The following PLD5 variants were observed in gnomAD, a reference collection of about 807,000 sequenced individuals.
The protein encoded by PLD5 is phospholipase D family member 5, also known as inactive phospholipase D5.
In PLD5, 36 loss-of-function variants were observed where a neutral mutation model predicts 61.1. That is an observed-to-expected ratio of 0.59 (90% CI 0.45 to 0.78). PLD5 has a LOEUF of 0.78. Ranked by LOEUF, PLD5 falls within the 30% of genes least tolerant of loss-of-function variation. The pLI is 0.00. For synonymous variants in PLD5, 243 were observed against 242.8 expected (o/e 1.00, Z -0.01); for missense variants, 515 against 644.4 (o/e 0.80, Z 2.17).
chr1:242,433,171 C>T (rs1050606112), intron 1 of PLD5, among the ~76,000 whole-genome samples: 1 of 151,750 alleles, frequency 6.6e-6, no homozygotes, highest in African/African-American at 2.4e-5. Flanking sequence ...CTTTCATAAA[C>T]ATAGCTTATG....
chr1:242,523,553 T>C (rs1030970208), intron 1 of PLD5, among the ~76,000 whole-genome samples: 1 of 152,132 alleles, frequency 6.6e-6, no homozygotes, highest in East Asian at 1.9e-4. Flanking sequence ...TGGGCTCAAG[T>C]AGAGAGGATC....
intron 5 of PLD5, among the ~76,000 whole-genome samples, chr1:242,155,543 C>T (rs954077187): frequency 6.6e-6 from 1 of 152,128 alleles, no homozygotes; most frequent in Non-Finnish European, 1.5e-5. Flanking sequence ...GATTCTGGTA[C>T]ATTGTGTCTT....
chr1:242,190,426 G>T lies in PLD5; in HGVS notation c.735+29562C>A, dbSNP rs1264044231. Among the ~76,000 whole-genome samples, 9 of 151,622 alleles carry T rather than the reference G, an allele frequency of 5.9e-5. 2 individuals carry two copies. In the South Asian group the frequency reaches 1.9e-3, roughly 32 times the overall value. On this transcript the variant is annotated intron_variant, in intron 5 of 9. Transcript: ENST00000536534. ...CTCCCAAAGTGCTGGGATTACAGGCGTGAGCCACCGCGCCCGGCCCATTGC... is the reference window on the plus strand; with the variant it reads ...CTCCCAAAGTGCTGGGATTACAGGCTTGAGCCACCGCGCCCGGCCCATTGC...
chr1:242,196,736 A>G (rs1027599620), intron 5 of PLD5, among the ~76,000 whole-genome samples: 3 of 152,208 alleles, frequency 2.0e-5, no homozygotes, highest in Admixed American at 2.0e-4. Flanking sequence ...TGCCTCTAGA[A>G]TAGAAATAGG....
rs552757553 is a variant in PLD5, at chr1:242,202,272, G to T, written c.735+17716C>A. Among the ~76,000 whole-genome samples, 8 of 152,162 alleles carry T rather than the reference G, an allele frequency of 5.3e-5. No homozygotes were observed. In the South Asian group the frequency reaches 1.7e-3, roughly 32 times the overall value. On this transcript the variant is annotated intron_variant, in intron 5 of 9. Coordinates refer to ENST00000536534, the MANE Select transcript of PLD5 (RefSeq NM_001372062.1). Reference sequence around the variant, plus strand: ...AACAAAAAATATGGTGTGTGGCCAGGTCCTTGGGTGTGTGGTCCCTAAGTG... The same window carrying T: ...AACAAAAAATATGGTGTGTGGCCAGTTCCTTGGGTGTGTGGTCCCTAAGTG...
intron 1 of PLD5, among the ~76,000 whole-genome samples, chr1:242,391,548 G>A (rs769374770): frequency 4.0e-4 from 44 of 110,630 alleles, no homozygotes; most frequent in Admixed American, 2.2e-4. Flanking sequence ...AGAAAGGTTC[G>A]CATTCTTTTA....
At chr1:242,520,109 A>G (rs1007523485) in intron 1 of PLD5, among the ~76,000 whole-genome samples, 4 of 152,080 alleles carry the variant, frequency 2.6e-5, no homozygotes, top group African/African-American at 7.2e-5. Flanking sequence ...TTGACCATGA[A>G]CCTTTCTTTG....
chr1:242,337,784 G>A (rs917545148), intron 2 of PLD5, among the ~76,000 whole-genome samples: 38 of 152,328 alleles, frequency 2.5e-4, no homozygotes, highest in African/African-American at 8.4e-4. Context: ...GCTGAGTTTA[G>A]ATGACTTCCT....
intron 3 of PLD5, among the ~76,000 whole-genome samples, chr1:242,281,682 C>T (rs1307656178): frequency 1.3e-5 from 2 of 152,106 alleles, no homozygotes; most frequent in Admixed American, 1.3e-4. Context: ...AAAAGGTATT[C>T]TTAAGCTTGT....
chr1:242,494,590 A>C (rs1668300692), intron 1 of PLD5, among the ~76,000 whole-genome samples: 1 of 152,114 alleles, frequency 6.6e-6, no homozygotes, highest in African/African-American at 2.4e-5. Flanking sequence ...ACAGAGCAGA[A>C]CCGGCTGGTG....
intron 1 of PLD5, among the ~76,000 whole-genome samples, chr1:242,520,129 C>A (rs1005213154): frequency 6.6e-6 from 1 of 152,156 alleles, no homozygotes; most frequent in African/African-American, 2.4e-5. Context: ...GGCCAATACA[C>A]ATGAGTCATA....
chr1:242,399,407 G>C (rs1027731736), intron 1 of PLD5, among the ~76,000 whole-genome samples: 2 of 152,208 alleles, frequency 1.3e-5, no homozygotes, highest in Non-Finnish European at 2.9e-5. Context: ...TCTTGGGAAT[G>C]CTTCCAAGTA....
upstream of PLD5, among the ~76,000 whole-genome samples, chr1:242,527,291 CG>C (rs1669471734): frequency 1.3e-5 from 2 of 151,746 alleles, no homozygotes; most frequent in South Asian, 4.2e-4. Flanking sequence ...CTATCACACC[CG>C]GCTAATTTTT....
chr1:242,487,079 G>A (rs1333653547), intron 1 of PLD5, among the ~76,000 whole-genome samples: 1 of 151,352 alleles, frequency 6.6e-6, no homozygotes, highest in Non-Finnish European at 1.5e-5. Context: ...CAGCAGGGGG[G>A]AGGGATAGCA....
intron 7 of PLD5, among the ~76,000 whole-genome samples, chr1:242,109,307 G>A (rs933958998): frequency 8.5e-5 from 13 of 152,126 alleles, no homozygotes; most frequent in African/African-American, 2.2e-4. Context: ...GTGAAACCCC[G>A]TCTCTAATAA....
intron 1 of PLD5, among the ~76,000 whole-genome samples, chr1:242,385,186 C>T (rs188700812): frequency 7.9e-5 from 12 of 152,176 alleles, no homozygotes; most frequent in Admixed American, 6.5e-4. Flanking sequence ...AATCAAAAAA[C>T]AAAGGGAAGA....
chr1:242,161,317 A>G (rs1199784070), intron 5 of PLD5, among the ~76,000 whole-genome samples: 2 of 152,092 alleles, frequency 1.3e-5, no homozygotes, highest in African/African-American at 4.8e-5. Flanking sequence ...AAACCATCAG[A>G]TCTCGTGAGA....
At chr1:242,526,335 G>A (rs1206544777), upstream of PLD5, among the ~76,000 whole-genome samples, 2 of 152,190 alleles carry the variant, frequency 1.3e-5, no homozygotes, top group African/African-American at 4.8e-5. Flanking sequence ...ACAGTGAGCC[G>A]ATATCGCACT....
intron 5 of PLD5, among the ~76,000 whole-genome samples, chr1:242,172,171 A>G (rs1332446995): frequency 6.6e-6 from 1 of 151,870 alleles, no homozygotes; most frequent in Non-Finnish European, 1.5e-5. Flanking sequence ...TGGAAATCAT[A>G]ACAGTCTCTC....
Sources: gnomAD v4.1 joint callset for allele counts (sites outside exome capture counted in the v4.1 genomes callset) on GRCh38, gnomAD v4.1.1 for gene constraint, MANE v1.5 for transcripts, NCBI Gene and HGNC (gene_info 2026-07-23, HGNC 2026-07-21) for gene names.